Variants in MVB12B observed in about 807,000 individuals in gnomAD.
MVB12B encodes the protein multivesicular body subunit 12B, also known as ESCRT-I complex subunit MVB12B.
Under a neutral mutation model 41.6 loss-of-function variants are expected in MVB12B, and 16 were observed. The ratio of observed to expected loss-of-function variants is 0.38; its 90% confidence interval spans 0.26 to 0.58. MVB12B has a LOEUF of 0.58. Among genes scored for constraint, MVB12B ranks in the 20% least tolerant of loss-of-function variants. The pLI is 0.62. For missense variants in MVB12B, 274 were observed against 380.2 expected, an observed-to-expected ratio of 0.72 and a Z score of 2.32; for synonymous variants, 133 against 139.7, an observed-to-expected ratio of 0.95 and a Z score of 0.34.
chr9:126,372,236 T>C (rs546343946), intron 2 of MVB12B, among the ~76,000 whole-genome samples: 444 of 152,392 alleles, frequency 2.9e-3, no homozygotes, highest in Non-Finnish European at 5.6e-3. Flanking sequence ...TATGACCGAA[T>C]ACTATTTCAT....
At chr9:126,432,877 G>A (rs191270240) in intron 7 of MVB12B, among the ~76,000 whole-genome samples, 158 of 152,316 alleles carry the variant, frequency 1.0e-3, no homozygotes, top group Non-Finnish European at 8.7e-4. Context: ...GGAGTGAATC[G>A]TGCTAGGACT....
chr9:126,463,680 CT>C (rs1833137598), intron 7 of MVB12B, among the ~76,000 whole-genome samples: 1 of 152,110 alleles, frequency 6.6e-6, no homozygotes, highest in Admixed American at 6.5e-5. Flanking sequence ...GAGGGGTCAC[CT>C]CCCAGCCTGA....
At chr9:126,396,739 A>C (rs1831125045) in intron 6 of MVB12B, 1 of 985,366 alleles carries the variant, frequency 1.0e-6, no homozygotes, top group African/African-American at 1.7e-5. Flanking sequence ...ACAGTTTCAC[A>C]AACCAAGAGT....
intron 7 of MVB12B, among the ~76,000 whole-genome samples, chr9:126,452,184 C>T (rs7856439): frequency 0.011 from 1,639 of 152,344 alleles, 31 homozygotes; most frequent in African/African-American, 0.037. Flanking sequence ...CGTGCAGGCA[C>T]GCGCAACCAG....
At chr9:126,396,951 G>C in intron 6 of MVB12B, 1 of 985,598 alleles carries the variant, frequency 1.0e-6, no homozygotes, top group Non-Finnish European at 1.2e-6. Flanking sequence ...AGCGCTGTCA[G>C]CTCCGCCCTG....
chr9:126,408,362 A>G (rs1336572236), intron 6 of MVB12B: 2 of 152,232 alleles, frequency 1.3e-5, no homozygotes, highest in Non-Finnish European at 2.9e-5. Context: ...ATATGGATTA[A>G]TGTAATATAC....
intron 9 of MVB12B, among the ~76,000 whole-genome samples, chr9:126,492,028 G>A (rs866711726): frequency 4.0e-5 from 6 of 151,478 alleles, no homozygotes; most frequent in African/African-American, 1.5e-4. Context: ...TGTTTCCTGA[G>A]TACCAAGGTT....
chr9:126,340,543 A>C lies in MVB12B; in HGVS notation c.117A>C (p.Ser39=). 6.2e-7 allele frequency: 1 copy of C among 1,614,226 alleles called. No individual in the cohort carries two copies. Among genetic ancestry groups the C allele is most frequent in the Non-Finnish European group, 8.5e-7 (1 of 1,180,026 alleles). Residue 39 remains serine, a synonymous_variant, in exon 2 of 10, where the codon TCA becomes TCC. Coordinates refer to ENST00000361171, the MANE Select transcript of MVB12B (RefSeq NM_033446.3). The surrounding 1 kb of genome is among the most constrained non-coding windows in gnomAD (Gnocchi z 4.0). ...QSTMPEVKDL[S]EALPETSMDP... is the part of the protein sequence containing the mutation. ...CCATGCCTGAAGTCAAAGACCTCTCAGAAGCCTTGCCAGAAACGTCAATGG... is the reference window on the plus strand; with the variant it reads ...CCATGCCTGAAGTCAAAGACCTCTCCGAAGCCTTGCCAGAAACGTCAATGG...
intron 2 of MVB12B, among the ~76,000 whole-genome samples, chr9:126,377,154 A>G (rs1419466092): frequency 6.6e-6 from 1 of 152,098 alleles, no homozygotes; most frequent in Non-Finnish European, 1.5e-5. Context: ...AGAGAGATAA[A>G]CCATGTGTAC....
At chr9:126,335,052 T>TG (rs144287900) in intron 1 of MVB12B, among the ~76,000 whole-genome samples, 8 of 152,192 alleles carry the variant, frequency 5.3e-5, no homozygotes, top group Admixed American at 6.5e-5. Flanking sequence ...ATTCTTCTGT[T>TG]GGGGGGGAAA....
At chr9:126,499,938 C>G (rs1833918827) in intron 9 of MVB12B, among the ~76,000 whole-genome samples, 1 of 151,832 alleles carries the variant, frequency 6.6e-6, no homozygotes, top group Non-Finnish European at 1.5e-5. Context: ...GACCCTGTCC[C>G]CACTCCTGGC....
chr9:126,474,751 G>A (rs563479119), intron 7 of MVB12B, among the ~76,000 whole-genome samples: 2 of 152,316 alleles, frequency 1.3e-5, no homozygotes, highest in East Asian at 1.9e-4. Context: ...TGCTGGGCAG[G>A]GTGCTAGGAT....
chr9:126,483,503 A>T (rs1564347412), intron 8 of MVB12B, among the ~76,000 whole-genome samples: 1 of 151,780 alleles, frequency 6.6e-6, no homozygotes, highest in Non-Finnish European at 1.5e-5. Context: ...CCCCTAAGGA[A>T]CTCTTCCTCC....
chr9:126,426,007 T>C (rs1433036111), intron 7 of MVB12B, among the ~76,000 whole-genome samples: 2 of 152,194 alleles, frequency 1.3e-5, no homozygotes, highest in Non-Finnish European at 2.9e-5. Flanking sequence ...AAAAGAGTAA[T>C]ATTTAGGGAC....
chr9:126,343,309 G>A (rs1829499468), intron 2 of MVB12B, among the ~76,000 whole-genome samples: 1 of 152,322 alleles, frequency 6.6e-6, no homozygotes, highest in South Asian at 2.1e-4. Context: ...CAGAGTTGGG[G>A]TGAGTCTCGT....
rs559626023 is a variant in MVB12B, at chr9:126,356,353, C to T, written c.204+15723C>T. On this transcript the variant is annotated intron_variant, in intron 2 of 9. Transcript: ENST00000361171. ...GTACTTAGGTCTTGTTTTGGTACTT[C>T]TTAGTTAAGTTTTAAAGTATCCCAC... Among the ~76,000 whole-genome samples, 3 of 152,188 alleles carry T rather than the reference C, an allele frequency of 2.0e-5. No homozygotes were observed. In the South Asian group the frequency reaches 6.2e-4, roughly 32 times the overall value.
In MVB12B at chr9:126,436,914, G is replaced by A. The variant is rs1350919613; in HGVS notation, c.757+14966G>A. 3.9e-5 allele frequency among the ~76,000 whole-genome samples: 6 copies of A among 152,142 alleles called. No homozygotes were observed. The highest frequency in any genetic ancestry group is 1.4e-4 in the African/African-American group (6 of 41,426). ...TACTCATTAAAAGAATTTATTTTAGGTGGACCAATTAAAACTTTGGAAGCT... is the reference window on the plus strand; with the variant it reads ...TACTCATTAAAAGAATTTATTTTAGATGGACCAATTAAAACTTTGGAAGCT... On this transcript the variant is annotated intron_variant, in intron 7 of 9. Transcript: ENST00000361171. This position sits in a 1 kb window ranked among gnomAD's most constrained non-coding sequence, Gnocchi z 4.1.
At chr9:126,353,650 G>T (rs1007799860) in intron 2 of MVB12B, among the ~76,000 whole-genome samples, 1 of 152,196 alleles carries the variant, frequency 6.6e-6, no homozygotes, top group African/African-American at 2.4e-5. Context: ...GCAGTACATA[G>T]TGTGCCTTGA....
chr9:126,360,755 C>G (rs1300385254), intron 2 of MVB12B, among the ~76,000 whole-genome samples: 2 of 152,110 alleles, frequency 1.3e-5, no homozygotes, highest in East Asian at 1.9e-4. Context: ...TTTTGGTGTT[C>G]AGCCATTAGT....
Sources: allele counts gnomAD v4.1 joint callset (sites outside exome capture counted in the v4.1 genomes callset), GRCh38; gene constraint gnomAD v4.1.1; non-coding constraint Gnocchi (gnomAD v3.1); transcripts MANE v1.5; gene names NCBI Gene and HGNC (gene_info 2026-07-23, HGNC 2026-07-21).